The following GRIK1 variants were observed in gnomAD, a reference collection of about 807,000 sequenced individuals.
GRIK1 encodes the protein glutamate ionotropic receptor kainate type subunit 1, also known as glutamate receptor ionotropic, kainate 1.
GRIK1 carries 69 observed loss-of-function variants against 105.7 expected under a neutral mutation model. The observed-to-expected ratio is 0.65, with a 90% CI of 0.54 to 0.80. The LOEUF (loss-of-function observed/expected upper bound fraction) is 0.80, where lower values mean the gene tolerates loss of function less well. Ranked by LOEUF, GRIK1 falls within the 30% of genes least tolerant of loss-of-function variation. The probability of loss-of-function intolerance (pLI) is 0.00; values close to 1 mark genes in which losing one functional copy is unlikely to be tolerated. For missense variants in GRIK1, 1,109 were observed against 1,167.3 expected, an observed-to-expected ratio of 0.95 and a Z score of 0.73; for synonymous variants, 438 against 431.3, an observed-to-expected ratio of 1.02 and a Z score of -0.19.
intron 1 of GRIK1, among the ~76,000 whole-genome samples, chr21:29,753,391 A>G (rs1365284680): frequency 6.6e-6 from 1 of 152,196 alleles, no homozygotes; most frequent in Non-Finnish European, 1.5e-5. Context: ...CTGCCTGTCA[A>G]GAAAACAACT....
At chr21:29,896,235 G>A (rs930421307) in intron 1 of GRIK1, among the ~76,000 whole-genome samples, 1 of 152,104 alleles carries the variant, frequency 6.6e-6, no homozygotes, top group South Asian at 2.1e-4. Context: ...ATACATTATT[G>A]CTTTTGATGT....
chr21:29,741,512 C>T (rs1325705549), intron 1 of GRIK1, among the ~76,000 whole-genome samples: 1 of 152,020 alleles, frequency 6.6e-6, no homozygotes, highest in African/African-American at 2.4e-5. Context: ...TTAAAAATTG[C>T]AATAAAGAAA....
At chr21:29,545,685 G>A (rs1024268239) in intron 16 of GRIK1, among the ~76,000 whole-genome samples, 5 of 152,154 alleles carry the variant, frequency 3.3e-5, no homozygotes, top group African/African-American at 9.7e-5. Context: ...TAAACTGACC[G>A]TGATGTGTAG....
chr21:29,830,655 G>A (rs1431403323), intron 1 of GRIK1, among the ~76,000 whole-genome samples: 1 of 151,942 alleles, frequency 6.6e-6, no homozygotes, highest in Non-Finnish European at 1.5e-5. Flanking sequence ...TGTGTCCTAG[G>A]AAGTTTTACA....
At chr21:29,796,940 CTCTG>C (rs1248555033) in intron 1 of GRIK1, among the ~76,000 whole-genome samples, 1 of 149,978 alleles carries the variant, frequency 6.7e-6, no homozygotes, top group Admixed American at 6.7e-5. Context: ...CAGAGGGAGA[CTCTG>C]TCTCAAAAGC....
rs555415857 is a variant in GRIK1 at position 29,596,463 on chromosome 21, C to A, written c.1251+63G>T. Reference sequence around the variant, plus strand: ...TCTGGTAACATTGGAAGGGCACAGGCCTTTCCAATGACATTCCCCATCCCA... The same window carrying A: ...TCTGGTAACATTGGAAGGGCACAGGACTTTCCAATGACATTCCCCATCCCA... On this transcript the variant is annotated intron_variant, in intron 9 of 17. Transcript: ENST00000327783. The A allele has an allele frequency of 4.4e-5, 47 of 1,061,832 alleles. No homozygotes were observed. In the South Asian group the frequency reaches 4.6e-4, roughly 10 times the overall value. 65.8% of individuals were successfully genotyped at this position (1,061,832 alleles called of 1,614,324 possible).
In GRIK1 at chr21:29,826,887, G is replaced by C. The variant is rs750859639; in HGVS notation, c.118+112496C>G. Among the ~76,000 whole-genome samples the C allele has an allele frequency of 2.0e-5, 3 of 152,032 alleles. No homozygotes were observed. In the East Asian group the frequency reaches 5.8e-4, roughly 29 times the overall value. On this transcript the variant is annotated intron_variant, in intron 1 of 17. Coordinates refer to ENST00000327783, the MANE Select transcript of GRIK1 (RefSeq NM_001330994.2). ...GTATCAATAGAAGAATCACTTGCTT[G>C]TATTATAAACCTAAGCAACAAATTC...
intron 1 of GRIK1, among the ~76,000 whole-genome samples, chr21:29,769,473 G>A (rs1230663336): frequency 6.6e-6 from 1 of 152,094 alleles, no homozygotes; most frequent in African/African-American, 2.4e-5. Context: ...GGGATGAAAC[G>A]GTTCCACCTT....
intron 5 of GRIK1, among the ~76,000 whole-genome samples, chr21:29,652,721 A>G (rs2062763755): frequency 6.6e-6 from 1 of 152,268 alleles, no homozygotes; most frequent in South Asian, 2.1e-4. Flanking sequence ...TCAACTTTCA[A>G]GATAACATTT....
At chr21:29,877,487 T>G (rs1424353845) in intron 1 of GRIK1, among the ~76,000 whole-genome samples, 1 of 152,148 alleles carries the variant, frequency 6.6e-6, no homozygotes, top group Non-Finnish European at 1.5e-5. Context: ...TTTTATAGAA[T>G]GAAATATATA....
chr21:29,856,323 G>A (rs1016930347), intron 1 of GRIK1, among the ~76,000 whole-genome samples: 1 of 152,172 alleles, frequency 6.6e-6, no homozygotes, highest in Non-Finnish European at 1.5e-5. Context: ...CAGCACCAGA[G>A]CAGCCAAAAG....
At chr21:29,756,782 AT>A (rs1451410369) in intron 1 of GRIK1, among the ~76,000 whole-genome samples, 1 of 152,144 alleles carries the variant, frequency 6.6e-6, no homozygotes, top group African/African-American at 2.4e-5. Context: ...AAACTAGAAA[AT>A]TCTATCATAT....
chr21:29,625,101 C>T (rs552223967), intron 7 of GRIK1, among the ~76,000 whole-genome samples: 36 of 152,232 alleles, frequency 2.4e-4, no homozygotes, highest in Admixed American at 6.5e-4. Flanking sequence ...TAATATCTTC[C>T]GTACTGTGGA....
chr21:29,835,723 T>C (rs962882317), intron 1 of GRIK1, among the ~76,000 whole-genome samples: 1 of 152,214 alleles, frequency 6.6e-6, no homozygotes, highest in African/African-American at 2.4e-5. Flanking sequence ...AATATACTTT[T>C]GCCCTGTTGT....
At chr21:29,566,744 C>T (rs1385464419) in intron 14 of GRIK1, among the ~76,000 whole-genome samples, 3 of 152,100 alleles carry the variant, frequency 2.0e-5, no homozygotes, top group African/African-American at 4.8e-5. Context: ...CGAATCTTCA[C>T]GGTAATCATA....
intron 4 of GRIK1, among the ~76,000 whole-genome samples, chr21:29,666,959 G>A (rs1047285826): frequency 6.6e-6 from 1 of 152,094 alleles, no homozygotes; most frequent in African/African-American, 2.4e-5. Context: ...ATCTCTCTGG[G>A]CTCTGTCAGT....
At chr21:29,625,097 C>T (rs1287046374) in intron 7 of GRIK1, among the ~76,000 whole-genome samples, 1 of 152,178 alleles carries the variant, frequency 6.6e-6, no homozygotes, top group Non-Finnish European at 1.5e-5. Context: ...CTATTAATAT[C>T]TTCCGTACTG....
chr21:29,859,171 T>C (rs1208299555), intron 1 of GRIK1, among the ~76,000 whole-genome samples: 5 of 148,792 alleles, frequency 3.4e-5, no homozygotes, highest in African/African-American at 7.5e-5. Context: ...ATGAGAACAC[T>C]TGGACACAGG....
At chr21:29,721,295 A>G (rs1186547164) in intron 1 of GRIK1, among the ~76,000 whole-genome samples, 1 of 152,170 alleles carries the variant, frequency 6.6e-6, no homozygotes, top group Non-Finnish European at 1.5e-5. Context: ...CCTTTTCTAC[A>G]TAACTTTACA....
Sources: gnomAD v4.1 joint callset for allele counts (sites outside exome capture counted in the v4.1 genomes callset) on GRCh38, gnomAD v4.1.1 for gene constraint, MANE v1.5 for transcripts, NCBI Gene and HGNC (gene_info 2026-07-23, HGNC 2026-07-21) for gene names.